MAST2: variants seen among roughly 807,000 people sequenced by gnomAD.
MAST2 encodes the protein microtubule-associated serine/threonine-protein kinase 2.
In MAST2, 70 loss-of-function variants were observed where a neutral mutation model predicts 147.4. The observed-to-expected ratio is 0.47, with a 90% CI of 0.39 to 0.58. MAST2 has a LOEUF of 0.58. Ranked by LOEUF, MAST2 falls within the 20% of genes least tolerant of loss-of-function variation. The pLI, the probability that MAST2 is intolerant of heterozygous loss-of-function variation, is 0.00. For missense variants in MAST2, 2,080 were observed against 2,302.3 expected (o/e 0.90, Z 1.98); for synonymous variants, 869 against 896.8 (o/e 0.97, Z 0.55).
chr1:45,923,311 A>G (rs1292760768), intron 4 of MAST2, among the ~76,000 whole-genome samples: 3 of 151,840 alleles, frequency 2.0e-5, no homozygotes, highest in Admixed American at 6.6e-5. Context: ...CTGCATCTGT[A>G]CCCCACTGCA....
chr1:45,921,411 T>A (rs1288977153), intron 4 of MAST2, among the ~76,000 whole-genome samples: 1 of 152,194 alleles, frequency 6.6e-6, no homozygotes, highest in Non-Finnish European at 1.5e-5. Flanking sequence ...TGCTCAGGCC[T>A]GCTGGGCCCA....
chr1:45,827,239 AATT>A (rs1644821887), intron 2 of MAST2, among the ~76,000 whole-genome samples: 1 of 152,178 alleles, frequency 6.6e-6, no homozygotes, highest in African/African-American at 2.4e-5. Flanking sequence ...TAGCCTCTTG[AATT>A]ATTATAAGAA....
intron 4 of MAST2, among the ~76,000 whole-genome samples, chr1:45,939,685 A>G (rs953777278): frequency 2.6e-5 from 4 of 152,014 alleles, no homozygotes; most frequent in Admixed American, 2.6e-4. Flanking sequence ...GACTACAGGC[A>G]TGCACCACCA....
chr1:45,861,137 G>A (rs553746423), intron 3 of MAST2, among the ~76,000 whole-genome samples: 27 of 152,060 alleles, frequency 1.8e-4, no homozygotes, highest in East Asian at 5.8e-4. Flanking sequence ...CTGTCTTTTC[G>A]TCTTTACTTT....
intron 3 of MAST2, among the ~76,000 whole-genome samples, chr1:45,878,864 A>T (rs1646718609): frequency 6.6e-6 from 1 of 151,694 alleles, no homozygotes; most frequent in Non-Finnish European, 1.5e-5. Flanking sequence ...TACTATGTTC[A>T]TGTATTATAA....
At chr1:46,002,367 G>C (rs1001422978) in intron 6 of MAST2, among the ~76,000 whole-genome samples, 1 of 152,184 alleles carries the variant, frequency 6.6e-6, no homozygotes, top group Non-Finnish European at 1.5e-5. Context: ...ACTTCTTCCT[G>C]TTGTCAGCCA....
intron 26 of MAST2, 124 bp downstream of exon 26, chr1:46,032,842 C>A: frequency 7.4e-7 from 1 of 1,348,306 alleles, no homozygotes; most frequent in Non-Finnish European, 1.0e-6. Context: ...GATGTAGGTA[C>A]ACACAGGCCG....
intron 1 of MAST2, among the ~76,000 whole-genome samples, chr1:45,807,133 G>C (rs1333348078): frequency 6.6e-6 from 1 of 152,182 alleles, no homozygotes; most frequent in African/African-American, 2.4e-5. Flanking sequence ...TCCTCATCTT[G>C]TCTGACCTCT....
intron 2 of MAST2, among the ~76,000 whole-genome samples, chr1:45,826,660 C>T (rs1000503545): frequency 2.0e-5 from 3 of 152,026 alleles, no homozygotes; most frequent in Middle Eastern, 3.2e-3. Flanking sequence ...AGATACTCCA[C>T]TTAATTGCAA....
At chr1:45,819,314 A>G (rs924545986) in intron 1 of MAST2, among the ~76,000 whole-genome samples, 3 of 151,924 alleles carry the variant, frequency 2.0e-5, no homozygotes, top group Admixed American at 1.3e-4. Flanking sequence ...CATGCAAACC[A>G]CCGCAATTAC....
At chr1:45,847,697 C>T (rs557670194) in intron 3 of MAST2, 22 of 293,930 alleles carry the variant, frequency 7.5e-5, no homozygotes, top group Middle Eastern at 9.0e-4. Context: ...CAGGAGTACC[C>T]GTGCCAAATC....
intron 4 of MAST2, among the ~76,000 whole-genome samples, chr1:45,906,924 T>C (rs1448159022): frequency 3.9e-5 from 6 of 152,144 alleles, no homozygotes; most frequent in African/African-American, 1.4e-4. Context: ...ACCTTTTTTA[T>C]GTTTAAATGC....
At chr1:45,933,225 T>TAA (rs67194773) in intron 4 of MAST2, among the ~76,000 whole-genome samples, 1 of 32,194 alleles carries the variant, frequency 3.1e-5, no homozygotes, top group Admixed American at 4.6e-4. Flanking sequence ...CCTGTCTCTT[T>TAA]AAAAAAAAAA....
chr1:45,815,439 G>C (rs988012083), intron 1 of MAST2, among the ~76,000 whole-genome samples: 3 of 152,092 alleles, frequency 2.0e-5, no homozygotes, highest in East Asian at 1.9e-4. Context: ...CTAAGTGCTG[G>C]GATTACAGGT....
At chr1:45,997,699 G>A (rs370416516) in intron 5 of MAST2, 25 bp from the exon 6 acceptor site, 174 of 1,598,406 alleles carry the variant, frequency 1.1e-4, no homozygotes, top group Non-Finnish European at 1.3e-4. Flanking sequence ...ACCTCACAGA[G>A]TTTTGTTTCT....
chr1:45,844,253 C>T (rs1293275533), intron 3 of MAST2, among the ~76,000 whole-genome samples: 3 of 152,010 alleles, frequency 2.0e-5, no homozygotes, highest in South Asian at 2.1e-4. Flanking sequence ...GCATGGGCCA[C>T]GATGCCTGGC....
chr1:45,928,516 A>G (rs575310965), intron 4 of MAST2, among the ~76,000 whole-genome samples: 60 of 152,276 alleles, frequency 3.9e-4, no homozygotes, highest in African/African-American at 1.4e-3. Flanking sequence ...TTACTGGGAC[A>G]ACAGACATAA....
Position 46,030,633 on chromosome 1 carries a change from A to G in MAST2, c.2580A>G (p.Ser860=). The G allele has an allele frequency of 6.2e-7, 1 of 1,611,290 alleles. No individual in the cohort carries two copies. Among genetic ancestry groups the G allele is most frequent in the Non-Finnish European group, 8.5e-7 (1 of 1,179,222 alleles). ...TGTACAGCAGCATGGAGCGGCTCTC[A>G]CTGCTCGAGGAGCGCCGGACACCAC... The part of the protein sequence containing the change: ...NKVYSSMERL[S]LLEERRTPPP... Residue 860 remains serine (S), a synonymous_variant, in exon 22 of 29, where the codon TCA becomes TCG. Transcript: ENST00000361297.
chr1:45,884,483 C>T (rs530157234), intron 4 of MAST2, among the ~76,000 whole-genome samples: 22 of 152,202 alleles, frequency 1.4e-4, no homozygotes, highest in Non-Finnish European at 2.6e-4. Flanking sequence ...ATCCAGGAGA[C>T]GGAGGTTGCA....
Sources: gnomAD v4.1 joint callset for allele counts (sites outside exome capture counted in the v4.1 genomes callset) on GRCh38, gnomAD v4.1.1 for gene constraint, MANE v1.5 for transcripts, NCBI Gene and HGNC (gene_info 2026-07-23, HGNC 2026-07-21) for gene names.